Variants in ME1 observed in about 807,000 individuals in gnomAD.
The protein encoded by ME1 is NADP-dependent malic enzyme.
Under a neutral mutation model 66.4 loss-of-function variants are expected in ME1, and 74 were observed. That is an observed-to-expected ratio of 1.11 (90% CI 0.92 to 1.35). The LOEUF (loss-of-function observed/expected upper bound fraction) is 1.35, where lower values mean the gene tolerates loss of function less well. ME1 is among the 40% of genes most tolerant of loss of function. The pLI, the probability that ME1 is intolerant of heterozygous loss-of-function variation, is 0.00. For synonymous variants in ME1, 251 were observed against 235.6 expected, an observed-to-expected ratio of 1.07 and a Z score of -0.60; for missense variants, 750 against 694.1, an observed-to-expected ratio of 1.08 and a Z score of -0.90.
chr6:83,242,162 C>T (rs761914128), intron 7 of ME1, among the ~76,000 whole-genome samples: 14 of 152,118 alleles, frequency 9.2e-5, no homozygotes, highest in Admixed American at 2.6e-4. Context: ...CACTGAGCCC[C>T]GCCTGTACTA....
intron 5 of ME1, among the ~76,000 whole-genome samples, chr6:83,332,777 T>A (rs1768440350): frequency 6.6e-6 from 1 of 152,022 alleles, no homozygotes; most frequent in South Asian, 2.1e-4. Context: ...AGGAGGTAGG[T>A]AAAGGATAAA....
intron 5 of ME1, among the ~76,000 whole-genome samples, chr6:83,322,267 C>T (rs572312625): frequency 6.6e-6 from 1 of 152,268 alleles, no homozygotes; most frequent in Admixed American, 6.5e-5. Context: ...ATCACAACTC[C>T]TCACCAGCAA....
chr6:83,214,297 C>T (rs1270745685), intron 13 of ME1, among the ~76,000 whole-genome samples: 1 of 152,202 alleles, frequency 6.6e-6, no homozygotes, highest in African/African-American at 2.4e-5. Flanking sequence ...TCTTCACTCT[C>T]TCTGTCCTGT....
chr6:83,290,408 G>T (rs1024716447), intron 6 of ME1, among the ~76,000 whole-genome samples: 3 of 152,170 alleles, frequency 2.0e-5, no homozygotes, highest in African/African-American at 7.2e-5. Flanking sequence ...TCAGGAGCAG[G>T]TTGTTCAGTT....
Position 83,227,458 on chromosome 6 carries a change from A to G in ME1, c.1152T>C (p.Gly384=), listed in dbSNP as rs752142749. ...TALIGVAAIG[G]AFSEQILKDM... ...CTTTGAGAATTTGTTCTGAGAATGC[A>G]CCACCAATTGCAGCAACTCCTAATG... is the stretch of plus-strand genomic sequence containing the variant. The change falls in exon 11 of 14, where the codon GGT becomes GGC. Residue 384 remains glycine, a synonymous_variant. Transcript: ENST00000369705. The G allele has an allele frequency of 2.5e-6, 4 of 1,601,470 alleles. No homozygotes were observed. The highest frequency in any genetic ancestry group is 3.4e-5 in the Admixed American group (2 of 59,216).
chr6:83,421,690 A>G (rs766141973), intron 1 of ME1, among the ~76,000 whole-genome samples: 1 of 152,186 alleles, frequency 6.6e-6, no homozygotes, highest in Non-Finnish European at 1.5e-5. Context: ...AAGACTGCCA[A>G]GAGAAGCCTT....
chr6:83,227,553 A>G (rs774272148), intron 10 of ME1, 76 bp from the exon 11 acceptor site: 247 of 1,225,086 alleles, frequency 2.0e-4, no homozygotes, highest in Non-Finnish European at 2.6e-4. Flanking sequence ...CCTCAAATCA[A>G]TGATATCTAT....
chr6:83,369,923 G>T (rs1769165605), intron 3 of ME1, among the ~76,000 whole-genome samples: 1 of 152,124 alleles, frequency 6.6e-6, no homozygotes, highest in Non-Finnish European at 1.5e-5. Context: ...CAGTAAAGAT[G>T]ATTCAATGTT....
chr6:83,262,820 CT>C (rs1562463090), intron 6 of ME1, among the ~76,000 whole-genome samples: 1 of 152,098 alleles, frequency 6.6e-6, no homozygotes, highest in Non-Finnish European at 1.5e-5. Context: ...TAGAGCAGAC[CT>C]TTTTGGTAAT....
intron 3 of ME1, among the ~76,000 whole-genome samples, chr6:83,397,402 A>C (rs1769755586): frequency 1.3e-5 from 2 of 152,206 alleles, no homozygotes; most frequent in African/African-American, 4.8e-5. Flanking sequence ...TCATCACAGA[A>C]ATCGAAATTA....
chr6:83,418,200 C>T (rs985207476), intron 1 of ME1, among the ~76,000 whole-genome samples: 2 of 152,080 alleles, frequency 1.3e-5, no homozygotes, highest in African/African-American at 2.4e-5. Flanking sequence ...GAAACTGAAC[C>T]TTTATATATA....
intron 6 of ME1, among the ~76,000 whole-genome samples, chr6:83,279,973 T>C (rs1362986109): frequency 6.6e-6 from 1 of 152,112 alleles, no homozygotes; most frequent in African/African-American, 2.4e-5. Context: ...GGTTAAATAT[T>C]TCAAGTTTTG....
intron 3 of ME1, among the ~76,000 whole-genome samples, chr6:83,390,326 G>C (rs998599487): frequency 3.3e-5 from 5 of 151,990 alleles, no homozygotes; most frequent in African/African-American, 1.2e-4. Context: ...ATAGAATAAG[G>C]GGTATAATTC....
intron 3 of ME1, among the ~76,000 whole-genome samples, chr6:83,379,892 G>C (rs1027789692): frequency 3.9e-5 from 6 of 151,960 alleles, no homozygotes; most frequent in African/African-American, 1.4e-4. Flanking sequence ...TCAAAAGAAA[G>C]GTTTAAGAGG....
At chr6:83,383,091 T>C (rs376808378) in intron 3 of ME1, among the ~76,000 whole-genome samples, 1 of 151,818 alleles carries the variant, frequency 6.6e-6, no homozygotes, top group African/African-American at 2.4e-5. Flanking sequence ...GCGAGCCTCA[T>C]GGGACAACTC....
chr6:83,334,108 T>C (rs949030527), intron 5 of ME1, among the ~76,000 whole-genome samples: 2 of 152,134 alleles, frequency 1.3e-5, no homozygotes, highest in African/African-American at 2.4e-5. Flanking sequence ...AGTGTGTGCG[T>C]GCACCGTGCG....
chr6:83,391,110 G>T (rs1481538130), intron 3 of ME1, among the ~76,000 whole-genome samples: 1 of 152,006 alleles, frequency 6.6e-6, no homozygotes, highest in East Asian at 1.9e-4. Context: ...ATAAGATCAG[G>T]TTTTGTCCCA....
chr6:83,387,881 C>T (rs1349488127), intron 3 of ME1, among the ~76,000 whole-genome samples: 1 of 151,954 alleles, frequency 6.6e-6, no homozygotes, highest in African/African-American at 2.4e-5. Context: ...AAAACAGATA[C>T]CATTCGTGCA....
chr6:83,315,832 G>C (rs1768020924), intron 5 of ME1, among the ~76,000 whole-genome samples: 1 of 152,110 alleles, frequency 6.6e-6, no homozygotes, highest in African/African-American at 2.4e-5. Flanking sequence ...GGGAGGTGGA[G>C]GTTGCAGTGA....
Sources: allele counts gnomAD v4.1 joint callset (sites outside exome capture counted in the v4.1 genomes callset), GRCh38; gene constraint gnomAD v4.1.1; transcripts MANE v1.5; gene names NCBI Gene and HGNC (gene_info 2026-07-23, HGNC 2026-07-21).